The following BMP5 variants were observed in gnomAD, a reference collection of about 807,000 sequenced individuals.
The protein encoded by BMP5 is bone morphogenetic protein 5.
In BMP5, 23 loss-of-function variants were observed where a neutral mutation model predicts 46.6. The ratio of observed to expected loss-of-function variants is 0.49; its 90% confidence interval spans 0.35 to 0.70. The LOEUF (loss-of-function observed/expected upper bound fraction) is 0.70, where lower values mean the gene tolerates loss of function less well. BMP5 is among the 30% of genes least tolerant of loss of function. The probability of loss-of-function intolerance (pLI) is 0.00; values close to 1 mark genes in which losing one functional copy is unlikely to be tolerated. For missense variants in BMP5, 545 were observed against 565.6 expected (o/e 0.96, Z 0.37); for synonymous variants, 204 against 191.9 (o/e 1.06, Z -0.52).
In BMP5 at chr6:55,810,086, G is replaced by A. The variant is rs369703542; in HGVS notation, c.683+9569C>T. ...AATGGTAAATTCTAGAGTTTATAAGGTTCAAAGTTTCCCTCATCAGCAGCT... is the reference window on the plus strand; with the variant it reads ...AATGGTAAATTCTAGAGTTTATAAGATTCAAAGTTTCCCTCATCAGCAGCT... On this transcript the variant is annotated intron_variant, in intron 2 of 6. Transcript: ENST00000370830. 4.8e-4 allele frequency among the ~76,000 whole-genome samples: 73 copies of A among 152,132 alleles called. No individual in the cohort carries two copies. The East Asian group carries it at 0.012, about 24-fold the overall frequency.
intron 2 of BMP5, among the ~76,000 whole-genome samples, chr6:55,812,597 G>T (rs552942453): frequency 1.3e-5 from 2 of 152,156 alleles, no homozygotes. Context: ...TATATGCATT[G>T]TCAAATAAAT....
rs1562023485 is a variant in BMP5, at chr6:55,759,172, A to AAAAAAAAAAAAC, written c.1105-69_1105-58dup. The AAAAAAAAAAAAC allele has an allele frequency of 3.8e-5, 28 of 738,848 alleles. 3 individuals are homozygous for AAAAAAAAAAAAC. Among genetic ancestry groups the AAAAAAAAAAAAC allele is most frequent in the South Asian group, 1.2e-4 (6 of 48,060 alleles). The allele number at this position is 738,848 out of a possible 1,614,324, so 45.8% of individuals were successfully genotyped here. A position where few individuals can be genotyped will look rare whatever the true frequency, so the allele number is the denominator to read the frequency against. On this transcript the variant is annotated intron_variant, in intron 5 of 6. Transcript: ENST00000370830. The stretch of plus-strand genomic sequence containing the variant: ...AAAAAAAAAAAAAAAAAAAAAAAAA[A>AAAAAAAAAAAAC]AAAAAAAAAAACAACAAGAAAAAAT...
At chr6:55,831,427 A>C (rs1776661468) in intron 1 of BMP5, among the ~76,000 whole-genome samples, 1 of 152,130 alleles carries the variant, frequency 6.6e-6, no homozygotes, top group South Asian at 2.1e-4. Context: ...TACTAAAAAA[A>C]ACTACTATAT....
chr6:55,774,099 C>T lies in BMP5; in HGVS notation c.977G>A (p.Arg326His), dbSNP rs371743666. ...RAANKRKNQNRNKSSSHQDSS... is the reference protein window; with the variant it reads ...RAANKRKNQNHNKSSSHQDSS... Reference sequence around the variant, plus strand: ...GTCCTGATGAGAGCTGGATTTATTGCGGTTTTGATTTTTTCGTTTGTTGGC... The same window carrying T: ...GTCCTGATGAGAGCTGGATTTATTGTGGTTTTGATTTTTTCGTTTGTTGGC... The change falls in exon 4 of 7, where the codon CGC becomes CAC. Residue 326 changes from arginine (R) to histidine (H), a missense_variant. Coordinates refer to ENST00000370830, the MANE Select transcript of BMP5 (RefSeq NM_021073.4). 92 of 1,612,760 alleles carry T rather than the reference C, an allele frequency of 5.7e-5. No individual in the cohort carries two copies. The highest frequency in any genetic ancestry group is 7.2e-5 in the Non-Finnish European group (85 of 1,179,372).
chr6:55,798,438 A>T (rs1340692595), intron 2 of BMP5, among the ~76,000 whole-genome samples: 3 of 152,236 alleles, frequency 2.0e-5, no homozygotes, highest in African/African-American at 7.2e-5. Context: ...TTTCAAAAAC[A>T]AATATGTGAA....
intron 3 of BMP5, among the ~76,000 whole-genome samples, chr6:55,776,377 T>C (rs1297079509): frequency 1.3e-5 from 2 of 151,118 alleles, no homozygotes; most frequent in Admixed American, 1.3e-4. Context: ...ATAAACACTT[T>C]TACAACATGT....
intron 1 of BMP5, among the ~76,000 whole-genome samples, chr6:55,823,905 T>G (rs1776467176): frequency 6.6e-6 from 1 of 152,036 alleles, no homozygotes; most frequent in African/African-American, 2.4e-5. Context: ...AAACAAATGA[T>G]TATATAATTT....
intron 4 of BMP5, among the ~76,000 whole-genome samples, chr6:55,767,758 C>T (rs938413409): frequency 9.2e-5 from 14 of 151,890 alleles, no homozygotes; most frequent in Non-Finnish European, 1.5e-5. Flanking sequence ...ATTTTCAGTA[C>T]AGCATTTATT....
intron 4 of BMP5, among the ~76,000 whole-genome samples, chr6:55,764,087 T>C (rs891047719): frequency 1.3e-5 from 2 of 152,116 alleles, no homozygotes; most frequent in Non-Finnish European, 2.9e-5. Context: ...AGAGCTACCA[T>C]ATCATCAAGC....
intron 2 of BMP5, among the ~76,000 whole-genome samples, chr6:55,803,745 G>A (rs1035048903): frequency 1.3e-5 from 2 of 152,138 alleles, no homozygotes; most frequent in Non-Finnish European, 2.9e-5. Context: ...AAAGGAGTTT[G>A]TGGAATTCAT....
intron 1 of BMP5, among the ~76,000 whole-genome samples, chr6:55,836,075 T>C (rs907089215): frequency 2.6e-5 from 4 of 152,068 alleles, no homozygotes; most frequent in Non-Finnish European, 4.4e-5. Flanking sequence ...ATTTTCCCAA[T>C]CAAAAAATTA....
chr6:55,820,672 C>T (rs561953998), intron 1 of BMP5, among the ~76,000 whole-genome samples: 1 of 152,248 alleles, frequency 6.6e-6, no homozygotes, highest in South Asian at 2.1e-4. Context: ...CCCAATTTGG[C>T]ATCCCAAAGT....
In BMP5 at chr6:55,794,337, A is replaced by G. The variant is rs1204975346; in HGVS notation, c.774T>C (p.His258=). ...LVFDITVTSN[H]WVINPQNNLG... is the part of the protein sequence containing the mutation. ...AATTATTCTGGGGATTAATCACCCA[A>G]TGATTGCTGGTCACAGTGATATCAA... The change falls in exon 3 of 7, where the codon CAT becomes CAC. Residue 258 remains histidine (H), a synonymous_variant. Transcript: ENST00000370830. 15 of 1,614,058 alleles carry G rather than the reference A, an allele frequency of 9.3e-6. No homozygotes were observed. In the East Asian group the frequency reaches 2.9e-4, roughly 31 times the overall value.
intron 6 of BMP5, 48 bp downstream of exon 6, chr6:55,758,957 T>A (rs1403352090): frequency 1.6e-6 from 2 of 1,231,614 alleles, no homozygotes; most frequent in Non-Finnish European, 2.4e-6. Context: ...AACTTTATAA[T>A]ATGCTTGCAT....
chr6:55,872,081 C>CTTAT (rs1298636920), intron 1 of BMP5, among the ~76,000 whole-genome samples: 1 of 151,692 alleles, frequency 6.6e-6, no homozygotes, highest in East Asian at 1.9e-4. Context: ...TCTGAGTATG[C>CTTAT]TTATTTATTT....
At chr6:55,869,937 G>A (rs780193367) in intron 1 of BMP5, among the ~76,000 whole-genome samples, 10 of 152,040 alleles carry the variant, frequency 6.6e-5, no homozygotes, top group African/African-American at 9.7e-5. Context: ...AAACCAGGAC[G>A]AAAGGCAGAC....
At chr6:55,784,508 T>C (rs1775401125) in intron 3 of BMP5, among the ~76,000 whole-genome samples, 1 of 151,782 alleles carries the variant, frequency 6.6e-6, no homozygotes. Flanking sequence ...GGGTTTGTTA[T>C]CAAGTTCTAA....
At chr6:55,759,740 G>A (rs944369637) in intron 5 of BMP5, among the ~76,000 whole-genome samples, 5 of 151,702 alleles carry the variant, frequency 3.3e-5, no homozygotes, top group Non-Finnish European at 4.4e-5. Flanking sequence ...CTAAAGAATT[G>A]GTACATGAAT....
Position 55,823,364 on chromosome 6 carries a change from T to G in BMP5, c.491-3517A>C, listed in dbSNP as rs538427914. Among the ~76,000 whole-genome samples the G allele has an allele frequency of 1.3e-3, 192 of 152,204 alleles. 1 individual carries two copies. Among genetic ancestry groups the G allele is most frequent in the Non-Finnish European group, 2.1e-3 (140 of 67,952 alleles). The stretch of plus-strand genomic sequence containing the variant: ...AGAGAAATCTTTTAATAAATATTAA[T>G]TGAATGAAAAATTGCATGAATGGGT... On this transcript the variant is annotated intron_variant, in intron 1 of 6. Transcript: ENST00000370830.
Sources: gnomAD v4.1 joint callset for allele counts (sites outside exome capture counted in the v4.1 genomes callset) on GRCh38, gnomAD v4.1.1 for gene constraint, MANE v1.5 for transcripts, NCBI Gene and HGNC (gene_info 2026-07-23, HGNC 2026-07-21) for gene names.